Variants in ARID3B observed in about 807,000 individuals in gnomAD.
ARID3B encodes the protein AT-rich interaction domain 3B.
Under a neutral mutation model 51.9 loss-of-function variants are expected in ARID3B, and 10 were observed. The observed-to-expected ratio is 0.19, with a 90% CI of 0.12 to 0.33. The LOEUF is 0.33. Among genes scored for constraint, ARID3B ranks in the 10% least tolerant of loss-of-function variants. ARID3B has a pLI of 1.00. For missense variants in ARID3B, 483 were observed against 716.3 expected (o/e 0.67, Z 3.72); for synonymous variants, 205 against 279.5 (o/e 0.73, Z 2.66).
intron 2 of ARID3B, among the ~76,000 whole-genome samples, chr15:74,567,436 ATT>A: frequency 6.9e-6 from 1 of 144,502 alleles, no homozygotes; most frequent in African/African-American, 2.5e-5. Context: ...GGTGGGAACA[ATT>A]TTTTTTTTTT....
At chr15:74,557,504 A>G (rs2061663185) in intron 2 of ARID3B, among the ~76,000 whole-genome samples, 1 of 152,146 alleles carries the variant, frequency 6.6e-6, no homozygotes. Flanking sequence ...TTTAGATTCT[A>G]CATTGACCAT....
chr15:74,552,916 A>G (rs1051276419), intron 2 of ARID3B, among the ~76,000 whole-genome samples: 5 of 152,234 alleles, frequency 3.3e-5, no homozygotes, highest in African/African-American at 1.2e-4. Flanking sequence ...GTTTTTGTGT[A>G]GATATAAGTT....
chr15:74,592,975 C>T (rs1024833604), intron 7 of ARID3B, among the ~76,000 whole-genome samples, 163 bp from the exon 8 acceptor site: 14 of 152,136 alleles, frequency 9.2e-5, no homozygotes, highest in African/African-American at 1.7e-4. Context: ...AGGAGATTGG[C>T]GAGCCTGGGA....
chr15:74,580,855 C>T (rs909558399), intron 4 of ARID3B, among the ~76,000 whole-genome samples: 3 of 152,200 alleles, frequency 2.0e-5, no homozygotes, highest in African/African-American at 4.8e-5. Flanking sequence ...CACAGGCCAC[C>T]GTTCAGTAGC....
chr15:74,554,549 C>T (rs887232461), intron 2 of ARID3B, among the ~76,000 whole-genome samples: 2 of 152,000 alleles, frequency 1.3e-5, no homozygotes, highest in Non-Finnish European at 2.9e-5. Context: ...GTGATCTACC[C>T]GCCTCAGCCT....
At position 74,570,462 on chromosome 15, in the gene ARID3B, C is replaced by CAAAAAAAAAAAAAAA. The variant is rs71137395; in HGVS notation, c.553-2379_553-2365dup. Among the ~76,000 whole-genome samples, 6 of 64,592 alleles carry CAAAAAAAAAAAAAAA rather than the reference C, an allele frequency of 9.3e-5. 2 individuals are homozygous for CAAAAAAAAAAAAAAA. Among genetic ancestry groups the CAAAAAAAAAAAAAAA allele is most frequent in the Non-Finnish European group, 2.0e-4 (6 of 30,482 alleles). The allele number at this position is 64,592 out of a possible 152,430, so 42.4% of individuals were successfully genotyped here. ...AGTGCTTGGAAGTTACTATAATTAG[C>CAAAAAAAAAAAAAAA]AAAAAAAAAAAAAAAAAAAAAAAAA... On this transcript the variant is annotated intron_variant, in intron 2 of 8. Coordinates refer to ENST00000346246, the MANE Select transcript of ARID3B (RefSeq NM_006465.4).
At chr15:74,552,783 T>C (rs2061642843) in intron 2 of ARID3B, among the ~76,000 whole-genome samples, 1 of 152,218 alleles carries the variant, frequency 6.6e-6, no homozygotes, top group Non-Finnish European at 1.5e-5. Flanking sequence ...TTTCTTTTTG[T>C]GCTGAATAAT....
In ARID3B at chr15:74,589,984, G is replaced by A. The variant is rs1330669274; in HGVS notation, c.862G>A (p.Ala288Thr). 1.9e-6 allele frequency: 3 copies of A among 1,612,512 alleles called. No individual in the cohort carries two copies. The highest frequency in any genetic ancestry group is 2.2e-5 in the East Asian group (1 of 44,840). Residue 288 changes from alanine (A) to threonine (T), a missense_variant, in exon 5 of 9, where the codon GCC (alanine) becomes ACC (threonine). Around this residue, in one of 3 missense-constraint regions of ARID3B, gnomAD observed 36 missense variants for 117.5 expected, o/e 0.31. Transcript: ENST00000346246. ...LNLPTSITSA[A>T]FTLRTQYMKY... is the part of the protein sequence containing the mutation. ...CCTGCCCACATCCATCACCAGCGCC[G>A]CCTTCACCCTCAGGACGCAGTGAGT...
At chr15:74,585,671 G>A (rs1166495209) in intron 4 of ARID3B, among the ~76,000 whole-genome samples, 2 of 152,170 alleles carry the variant, frequency 1.3e-5, no homozygotes, top group Non-Finnish European at 2.9e-5. Context: ...CTTCACATTT[G>A]CGGAAACTGA....
At chr15:74,572,819 T>C (rs747772546) in intron 2 of ARID3B, 43 bp from the exon 3 acceptor site, 2 of 1,595,306 alleles carry the variant, frequency 1.3e-6, no homozygotes, top group Admixed American at 1.7e-5. Flanking sequence ...TAACTCTTTC[T>C]CTTCCTTTGC....
chr15:74,560,623 G>A (rs904894627), intron 2 of ARID3B, among the ~76,000 whole-genome samples: 4 of 152,230 alleles, frequency 2.6e-5, no homozygotes, highest in African/African-American at 4.8e-5. Context: ...GTAAAAATTC[G>A]TAGTTAAAAA....
At chr15:74,557,381 C>G (rs942197511) in intron 2 of ARID3B, among the ~76,000 whole-genome samples, 1 of 151,870 alleles carries the variant, frequency 6.6e-6, no homozygotes, top group Non-Finnish European at 1.5e-5. Context: ...GTGCCATGCA[C>G]TCCAGCCTGG....
chr15:74,587,428 C>T (rs1437728599), intron 4 of ARID3B, among the ~76,000 whole-genome samples: 1 of 152,184 alleles, frequency 6.6e-6, no homozygotes, highest in Non-Finnish European at 1.5e-5. Flanking sequence ...TGCCTAACTT[C>T]CAAGGGTGGT....
At chr15:74,584,582 C>T (rs893478091) in intron 4 of ARID3B, among the ~76,000 whole-genome samples, 1 of 152,210 alleles carries the variant, frequency 6.6e-6, no homozygotes, top group Non-Finnish European at 1.5e-5. Context: ...TTCCCTGGAA[C>T]CGGCCCATTC....
At chr15:74,555,109 A>G (rs2061652681) in intron 2 of ARID3B, among the ~76,000 whole-genome samples, 1 of 152,200 alleles carries the variant, frequency 6.6e-6, no homozygotes, top group Admixed American at 6.5e-5. Flanking sequence ...TCATTAATAT[A>G]TATAATTATT....
chr15:74,592,220 A>G (rs779983504), intron 7 of ARID3B, among the ~76,000 whole-genome samples: 5 of 152,192 alleles, frequency 3.3e-5, no homozygotes, highest in South Asian at 4.1e-4. Flanking sequence ...CGAGGGGCCA[A>G]GTTGCCCCGG....
At chr15:74,558,079 C>G (rs1479238949) in intron 2 of ARID3B, among the ~76,000 whole-genome samples, 1 of 151,970 alleles carries the variant, frequency 6.6e-6, no homozygotes, top group Non-Finnish European at 1.5e-5. Context: ...CCTCGGCCTC[C>G]CAAAGTGCTG....
At chr15:74,589,644 G>A (rs898529060) in intron 4 of ARID3B, among the ~76,000 whole-genome samples, 176 bp from the exon 5 acceptor site, 7 of 152,208 alleles carry the variant, frequency 4.6e-5, no homozygotes, top group South Asian at 2.1e-4. Flanking sequence ...CAGCCTGTGC[G>A]TTGGACCTGT....
Position 74,581,459 on chromosome 15 carries a change from A to T in ARID3B, c.697+8255A>T, listed in dbSNP as rs558561893. On this transcript the variant is annotated intron_variant, in intron 4 of 8. Coordinates refer to ENST00000346246, the MANE Select transcript of ARID3B (RefSeq NM_006465.4). ...CTGTGCCCTGGACACCCTTCCTGGC[A>T]GACGAAAATATGTTGTCTTTTTCAG... Among the ~76,000 whole-genome samples, 49 of 152,368 alleles carry T rather than the reference A, an allele frequency of 3.2e-4. 1 individual carries two copies. In the South Asian group the frequency reaches 9.9e-3, roughly 31 times the overall value.
Sources: allele counts gnomAD v4.1 joint callset (sites outside exome capture counted in the v4.1 genomes callset), GRCh38; gene constraint gnomAD v4.1.1; regional missense constraint gnomAD v4.1.1; transcripts MANE v1.5; gene names NCBI Gene and HGNC (gene_info 2026-07-23, HGNC 2026-07-21).